The following RBFOX1 variants were observed in gnomAD, a reference collection of about 807,000 sequenced individuals.
RBFOX1 encodes the protein RNA binding fox-1 homolog 1, also known as RNA binding protein fox-1 homolog 1.
RBFOX1 carries 8 observed loss-of-function variants against 57.7 expected under a neutral mutation model. That is an observed-to-expected ratio of 0.14 (90% confidence interval 0.08 to 0.25). RBFOX1 has a LOEUF of 0.25. RBFOX1 is among the 10% of genes least tolerant of loss of function. The pLI is 1.00. For missense variants in RBFOX1, 611 were observed against 548.5 expected (o/e 1.11, Z -1.14); for synonymous variants, 326 against 222.4 (o/e 1.47, Z -4.15).
intron 4 of RBFOX1, among the ~76,000 whole-genome samples, chr16:7,481,202 A>G (rs2063853130): frequency 6.6e-6 from 1 of 152,208 alleles, no homozygotes; most frequent in Non-Finnish European, 1.5e-5. Flanking sequence ...AATGGAACAG[A>G]GTAAGGACTC....
intron 4 of RBFOX1, among the ~76,000 whole-genome samples, chr16:7,333,735 G>C (rs1178366546): frequency 6.6e-6 from 1 of 151,166 alleles, no homozygotes; most frequent in Non-Finnish European, 1.5e-5. Flanking sequence ...TCTGTGCAGA[G>C]AGGATTAATC....
intron 4 of RBFOX1, among the ~76,000 whole-genome samples, chr16:7,196,341 C>T (rs891180253): frequency 6.6e-6 from 1 of 152,162 alleles, no homozygotes; most frequent in Non-Finnish European, 1.5e-5. Flanking sequence ...TCTCCTTCAA[C>T]TTTTCCTACC....
chr16:6,416,707 C>A (rs1464424965), intron 2 of RBFOX1, among the ~76,000 whole-genome samples: 2 of 152,218 alleles, frequency 1.3e-5, no homozygotes, highest in East Asian at 3.9e-4. Flanking sequence ...CTGCTGCATT[C>A]GCACCTGTCA....
intron 1 of RBFOX1, among the ~76,000 whole-genome samples, chr16:5,332,650 A>G (rs1596547588): frequency 6.6e-6 from 1 of 151,398 alleles, no homozygotes; most frequent in South Asian, 2.1e-4. Context: ...ATATTTTTAC[A>G]TATGTGTGTG....
At chr16:6,727,070 CAGAG>C (rs141929980) in intron 3 of RBFOX1, among the ~76,000 whole-genome samples, 11 of 109,516 alleles carry the variant, frequency 1.0e-4, no homozygotes, top group Non-Finnish European at 1.4e-4. Context: ...CACACAGACA[CAGAG>C]AGAGACACAC....
At chr16:6,088,317 G>C (rs145344651) in intron 1 of RBFOX1, among the ~76,000 whole-genome samples, 13 of 152,054 alleles carry the variant, frequency 8.5e-5, no homozygotes, top group African/African-American at 2.9e-4. Context: ...TCACAGATGC[G>C]TTTTTGTCAC....
At chr16:5,693,477 CT>C (rs1002349335) in intron 3 of RBFOX1, among the ~76,000 whole-genome samples, 6 of 150,780 alleles carry the variant, frequency 4.0e-5, no homozygotes, top group Admixed American at 6.6e-5. Context: ...TTTGCCTGTT[CT>C]TTTTTTTTCT....
chr16:5,708,957 G>A (rs146093204), intron 3 of RBFOX1, among the ~76,000 whole-genome samples: 17 of 152,272 alleles, frequency 1.1e-4, no homozygotes, highest in African/African-American at 3.6e-4. Context: ...AAGAGAGCAA[G>A]AGAGAACACG....
At chr16:6,889,439 C>T (rs558851415) in intron 3 of RBFOX1, among the ~76,000 whole-genome samples, 19 of 152,218 alleles carry the variant, frequency 1.2e-4, no homozygotes, top group African/African-American at 4.6e-4. Flanking sequence ...AAAAGGAGAA[C>T]GTGGAACAGA....
intron 3 of RBFOX1, among the ~76,000 whole-genome samples, chr16:6,725,265 A>T (rs1245468974): frequency 6.6e-6 from 1 of 151,734 alleles, no homozygotes; most frequent in East Asian, 1.9e-4. Context: ...GTTAGCCAGG[A>T]TGGTCTGGAT....
At chr16:6,607,552 T>C (rs189742619) in intron 2 of RBFOX1, among the ~76,000 whole-genome samples, 48 of 146,996 alleles carry the variant, frequency 3.3e-4, no homozygotes, top group African/African-American at 1.1e-3. Flanking sequence ...CTTCCTCCTC[T>C]TTCCCTCTTC....
intron 2 of RBFOX1, among the ~76,000 whole-genome samples, chr16:5,504,730 T>C (rs1296811120): frequency 6.6e-6 from 1 of 152,200 alleles, no homozygotes; most frequent in African/African-American, 2.4e-5. Flanking sequence ...CCTGCAGCTC[T>C]GTGGGGAAGG....
At chr16:5,661,182 C>G (rs920541626) in intron 3 of RBFOX1, among the ~76,000 whole-genome samples, 16 of 152,174 alleles carry the variant, frequency 1.1e-4, no homozygotes, top group Non-Finnish European at 1.9e-4. Flanking sequence ...ACTTTCCCAA[C>G]TTTAATTATT....
At position 5,425,060 on chromosome 16, in the gene RBFOX1, C is replaced by G. The variant is rs548078064; in HGVS notation, c.220-42156C>G. Among the ~76,000 whole-genome samples, 76 of 52,292 alleles carry G rather than the reference C, an allele frequency of 1.5e-3. 1 individual carries two copies. Among genetic ancestry groups the G allele is most frequent in the Admixed American group, 5.1e-3 (19 of 3,736 alleles). 34.3% of individuals were successfully genotyped at this position (52,292 alleles called of 152,430 possible). A position where few individuals can be genotyped will look rare whatever the true frequency, so the allele number is the denominator to read the frequency against. On this transcript the variant is annotated intron_variant, in intron 1 of 2. Transcript: ENST00000585867. ...CCCTCTCTCTCTCTCTCCTTCCTTC[C>G]TTTCTTATCTATCTATCTATCTATC...
chr16:5,593,236 C>G (rs1438649226), intron 2 of RBFOX1, among the ~76,000 whole-genome samples: 3 of 151,486 alleles, frequency 2.0e-5, no homozygotes, highest in Admixed American at 6.6e-5. Context: ...CAAACTAACA[C>G]AGGAACAGAA....
At chr16:6,530,801 C>T (rs377356731) in intron 2 of RBFOX1, among the ~76,000 whole-genome samples, 3 of 150,422 alleles carry the variant, frequency 2.0e-5, no homozygotes, top group Middle Eastern at 3.4e-3. Context: ...TAAAACAGCA[C>T]GGGAAACACC....
chr16:6,651,784 T>C (rs1457139466), intron 2 of RBFOX1, among the ~76,000 whole-genome samples: 2 of 152,188 alleles, frequency 1.3e-5, no homozygotes, highest in Admixed American at 6.5e-5. Flanking sequence ...TCATTCACAA[T>C]AGCCGAAAGG....
chr16:7,141,689 A>G (rs1036572510), intron 4 of RBFOX1, among the ~76,000 whole-genome samples: 3 of 152,152 alleles, frequency 2.0e-5, no homozygotes, highest in Non-Finnish European at 4.4e-5. Flanking sequence ...ATGAGCTACT[A>G]TAGTCTTTTG....
chr16:6,855,780 A>G (rs2057749471), intron 3 of RBFOX1, among the ~76,000 whole-genome samples: 1 of 148,150 alleles, frequency 6.7e-6, no homozygotes, highest in African/African-American at 2.6e-5. Flanking sequence ...CTCTACCTTT[A>G]GAGGATTTGA....
Sources: allele counts gnomAD v4.1 joint callset (sites outside exome capture counted in the v4.1 genomes callset), GRCh38; gene constraint gnomAD v4.1.1; transcripts MANE v1.5; gene names NCBI Gene and HGNC (gene_info 2026-07-23, HGNC 2026-07-21).